The following FNDC3A variants were observed in gnomAD, a reference collection of about 807,000 sequenced individuals.
FNDC3A encodes fibronectin type III domain containing 3A.
FNDC3A carries 32 observed loss-of-function variants against 148.9 expected under a neutral mutation model. The observed-to-expected ratio is 0.21, with a 90% CI of 0.16 to 0.29. FNDC3A has a LOEUF of 0.29. Among genes scored for constraint, FNDC3A ranks in the 10% least tolerant of loss-of-function variants. FNDC3A has a pLI of 1.00. For synonymous variants in FNDC3A, 472 were observed against 473.6 expected (o/e 1.00, Z 0.04); for missense variants, 1,191 against 1,452.8 (o/e 0.82, Z 2.93).
intron 8 of FNDC3A, among the ~76,000 whole-genome samples, chr13:49,150,950 A>C (rs2137982133): frequency 6.6e-6 from 1 of 152,044 alleles, no homozygotes; most frequent in Non-Finnish European, 1.5e-5. Flanking sequence ...TCTCAAAAAA[A>C]AAAAAAAAAA....
chr13:49,206,583 G>A (rs1409753456), intron 25 of FNDC3A, among the ~76,000 whole-genome samples: 2 of 152,068 alleles, frequency 1.3e-5, no homozygotes, highest in Non-Finnish European at 2.9e-5. Flanking sequence ...CCCCTCTCTG[G>A]TTTATACAGT....
chr13:49,085,831 G>A (rs1878770169), intron 3 of FNDC3A, among the ~76,000 whole-genome samples: 3 of 151,684 alleles, frequency 2.0e-5, no homozygotes, highest in Admixed American at 1.3e-4. Context: ...TGTAATAAAC[G>A]GAGATGTCAA....
intron 2 of FNDC3A, among the ~76,000 whole-genome samples, chr13:49,007,845 C>G (rs1301032248): frequency 6.6e-6 from 1 of 152,106 alleles, no homozygotes; most frequent in Non-Finnish European, 1.5e-5. Flanking sequence ...AAACAGATTT[C>G]AGGAAGTGTA....
intron 2 of FNDC3A, chr13:49,046,902 A>T (rs1229734489): frequency 6.6e-6 from 1 of 152,106 alleles, no homozygotes; most frequent in African/African-American, 2.4e-5. Flanking sequence ...GTGTTTGCTT[A>T]CATGAATACG....
chr13:49,153,457 A>G (rs1883449247), intron 8 of FNDC3A, among the ~76,000 whole-genome samples: 1 of 151,766 alleles, frequency 6.6e-6, no homozygotes, highest in African/African-American at 2.4e-5. Context: ...ATTTTCTCCC[A>G]TTTTGTAGGT....
At chr13:49,153,088 C>A (rs1316154024) in intron 8 of FNDC3A, among the ~76,000 whole-genome samples, 36 of 151,954 alleles carry the variant, frequency 2.4e-4, no homozygotes, top group Non-Finnish European at 5.9e-5. Context: ...CCTGAGGAAT[C>A]GCCACACTGA....
chr13:49,198,222 A>G lies in FNDC3A; in HGVS notation c.2731A>G (p.Thr911Ala). ...ACAATCCCTAACAGTGGGAAAGGTT[A>G]CAAGCTATATTATCAACAATTTGCA... ...DKQSLTVGKV[T>A]SYIINNLQPD... Residue 911 changes from threonine to alanine, a missense_variant, in exon 22 of 26, where the codon ACA (threonine) becomes GCA (alanine). This residue lies in a region of FNDC3A where 751 missense variants were observed against 944.0 expected (regional missense o/e 0.80). Coordinates refer to ENST00000492622, the MANE Select transcript of FNDC3A (RefSeq NM_001079673.2). The G allele has an allele frequency of 6.2e-7, 1 of 1,614,162 alleles. No homozygotes were observed. The highest frequency in any genetic ancestry group is 8.5e-7 in the Non-Finnish European group (1 of 1,179,994).
intron 8 of FNDC3A, among the ~76,000 whole-genome samples, chr13:49,162,301 C>T (rs1025301360): frequency 2.0e-5 from 3 of 152,122 alleles, no homozygotes; most frequent in Non-Finnish European, 2.9e-5. Context: ...AGGCTTCTTT[C>T]GTTTCTTTTT....
intron 2 of FNDC3A, among the ~76,000 whole-genome samples, chr13:49,040,151 G>A (rs1462505299): frequency 6.6e-6 from 1 of 152,156 alleles, no homozygotes; most frequent in Non-Finnish European, 1.5e-5. Context: ...TTTGGTAGTA[G>A]CCGCCTTACC....
intron 2 of FNDC3A, among the ~76,000 whole-genome samples, chr13:49,060,170 A>G (rs1339443143): frequency 6.6e-6 from 1 of 152,220 alleles, no homozygotes; most frequent in South Asian, 2.1e-4. Flanking sequence ...GGAATATCCA[A>G]AGGAACGTGT....
Position 49,207,148 on chromosome 13 carries a change from G to A in FNDC3A, c.3350G>A (p.Arg1117His), listed in dbSNP as rs1420521519. ...SLQLNCEYRF[R>H]VCAIRQCQDS... ...CAGCTGAACTGTGAATATCGCTTCC[G>A]TGTATGTGCCATTCGCCAGTGCCAA... The change falls in exon 26 of 26, where the codon CGT becomes CAT. Residue 1117 changes from arginine (R) to histidine (H), a missense_variant. Coordinates refer to ENST00000492622, the MANE Select transcript of FNDC3A (RefSeq NM_001079673.2). 3.1e-6 allele frequency: 5 copies of A among 1,614,070 alleles called. No homozygotes were observed. The highest frequency in any genetic ancestry group is 1.3e-5 in the African/African-American group (1 of 75,010).
chr13:49,191,056 T>C lies in FNDC3A; in HGVS notation c.1986T>C (p.Pro662=), dbSNP rs1464536943. The C allele has an allele frequency of 6.2e-7, 1 of 1,613,910 alleles. No individual in the cohort carries two copies. Among genetic ancestry groups the C allele is most frequent in the African/African-American group, 1.3e-5 (1 of 74,948 alleles). ...TTGTGCAGACTCCAGCTGTGCCTCC[T>C]GGCCCATGCCTCCCTCCCAGATTAC... ...SLLVQTPAVP[P]GPCLPPRLQG... Residue 662 remains proline (P), a synonymous_variant, in exon 18 of 26, where the codon CCT becomes CCC. Transcript: ENST00000492622.
chr13:49,032,735 C>CA (rs891858112), intron 2 of FNDC3A, among the ~76,000 whole-genome samples: 84 of 130,288 alleles, frequency 6.4e-4, no homozygotes, highest in Middle Eastern at 3.9e-3. Flanking sequence ...GACTCCGTCT[C>CA]AAAAAAAAAA....
At position 49,078,317 on chromosome 13, in the gene FNDC3A, CCTAT is replaced by C. The variant is rs138868007; in HGVS notation, c.175+2957_175+2960del. Among the ~76,000 whole-genome samples the C allele has an allele frequency of 2.6e-3, 395 of 152,212 alleles. 10 individuals are homozygous for C. In the East Asian group the frequency reaches 0.041, roughly 16 times the overall value. ...ACCCCTTTGGTCAGGACCAAAAAAG[CCTAT>C]CTAATTTATAATGTGCCTGTAATAC... On this transcript the variant is annotated intron_variant, in intron 3 of 25. Coordinates refer to ENST00000492622, the MANE Select transcript of FNDC3A (RefSeq NM_001079673.2).
intron 2 of FNDC3A, among the ~76,000 whole-genome samples, chr13:49,017,766 T>A (rs1174616326): frequency 6.6e-6 from 1 of 152,094 alleles, no homozygotes; most frequent in Non-Finnish European, 1.5e-5. Flanking sequence ...TGTTTAGCGC[T>A]TCCTTCAGGA....
In FNDC3A at chr13:49,190,121, T is replaced by C. The variant is rs1885805773; in HGVS notation, c.1945-894T>C. Reference sequence around the variant, plus strand: ...CAGGATGGTCTCGATCTTCTGACCCTGTGATCCACCCGCCTCAGCCTCCCA... The same window carrying C: ...CAGGATGGTCTCGATCTTCTGACCCCGTGATCCACCCGCCTCAGCCTCCCA... On this transcript the variant is annotated intron_variant, in intron 17 of 25. Transcript: ENST00000492622. Among the ~76,000 whole-genome samples the C allele has an allele frequency of 2.0e-5, 3 of 151,982 alleles. No individual in the cohort carries two copies. The South Asian group carries it at 6.2e-4, about 32-fold the overall frequency.
In FNDC3A at chr13:49,188,539, G is replaced by A. The variant is rs1885708465; in HGVS notation, c.1850G>A (p.Ser617Asn). Residue 617 changes from serine (S) to asparagine (N), a missense_variant, in exon 17 of 26, where the codon AGT becomes AAT. Coordinates refer to ENST00000492622, the MANE Select transcript of FNDC3A (RefSeq NM_001079673.2). ...GGAAACAAATGGGAAATGATATACA[G>A]TGGTGCTACCAGGGAACATCTTTGT... ...SNGNKWEMIY[S>N]GATREHLCDR... 6.2e-7 allele frequency: 1 copy of A among 1,613,038 alleles called. No homozygotes were observed. Among genetic ancestry groups the A allele is most frequent in the African/African-American group, 1.3e-5 (1 of 74,902 alleles).
intron 3 of FNDC3A, among the ~76,000 whole-genome samples, chr13:49,095,716 A>G (rs1168719425): frequency 6.6e-6 from 1 of 152,092 alleles, no homozygotes; most frequent in African/African-American, 2.4e-5. Flanking sequence ...AGTAACTTCT[A>G]CCACATTTTT....
intron 2 of FNDC3A, among the ~76,000 whole-genome samples, chr13:49,050,295 C>T (rs1875743292): frequency 1.3e-5 from 2 of 152,142 alleles, no homozygotes; most frequent in African/African-American, 4.8e-5. Context: ...GAACTTTCCT[C>T]TTAGTGTTGC....
Sources: allele counts gnomAD v4.1 joint callset (sites outside exome capture counted in the v4.1 genomes callset), GRCh38; gene constraint gnomAD v4.1.1; regional missense constraint gnomAD v4.1.1; transcripts MANE v1.5; gene names NCBI Gene and HGNC (gene_info 2026-07-23, HGNC 2026-07-21).